Variants in RRAGD observed in about 807,000 individuals in gnomAD.
RRAGD encodes the protein Ras related GTP binding D.
A neutral mutation model predicts 35.5 loss-of-function variants in RRAGD; 12 were observed. The ratio of observed to expected loss-of-function variants is 0.34; its 90% CI spans 0.22 to 0.55. The LOEUF is 0.55. Ranked by LOEUF, RRAGD falls within the 20% of genes least tolerant of loss-of-function variation. RRAGD has a pLI of 0.91. For missense variants in RRAGD, 324 were observed against 490.1 expected (o/e 0.66, Z 3.20); for synonymous variants, 155 against 178.9 (o/e 0.87, Z 1.07).
chr6:89,411,779 T>TG lies in RRAGD; in HGVS notation c.148+66dup. ...GTCGGTGGCTCGCGCACGGCCGGGCTGGGGGCGGGAAGGCGCCAAGGGGAG... is the reference window on the plus strand; with the variant it reads ...GTCGGTGGCTCGCGCACGGCCGGGCTGGGGGGCGGGAAGGCGCCAAGGGGAG... On this transcript the variant is annotated intron_variant, in intron 1 of 6. Coordinates refer to ENST00000369415, the MANE Select transcript of RRAGD (RefSeq NM_021244.5). This position sits in a 1 kb window ranked among gnomAD's most constrained non-coding sequence, Gnocchi z 5.6. The TG allele has an allele frequency of 6.8e-7, 1 of 1,481,302 alleles. No homozygotes were observed. Among genetic ancestry groups the TG allele is most frequent in the Non-Finnish European group, 9.0e-7 (1 of 1,112,078 alleles). The allele number at this position is 1,481,302 out of a possible 1,614,324, so 91.8% of individuals were successfully genotyped here. A position where few individuals can be genotyped will look rare whatever the true frequency, so the allele number is the denominator to read the frequency against.
chr6:89,366,230 G>A lies in RRAGD; in HGVS notation c.*1826C>T, dbSNP rs1214310294. The A allele has an allele frequency of 1.3e-5, 2 of 152,426 alleles. No homozygotes were observed. The highest frequency in any genetic ancestry group is 4.1e-4 in the South Asian group (2 of 4,820). 9.4% of individuals were successfully genotyped at this position (152,426 alleles called of 1,614,324 possible). The stretch of plus-strand genomic sequence containing the variant: ...AGAGGTTGGAAAGAAGCCACAGAGA[G>A]AAGTGGGAAAGTTTAGGCTGGGCAC... On this transcript the variant is annotated 3_prime_UTR_variant, in exon 7 of 7. Coordinates refer to ENST00000369415, the MANE Select transcript of RRAGD (RefSeq NM_021244.5).
At chr6:89,379,532 G>A (rs1431712477) in intron 3 of RRAGD, among the ~76,000 whole-genome samples, 194 bp from the exon 4 acceptor site, 1 of 152,152 alleles carries the variant, frequency 6.6e-6, no homozygotes, top group Non-Finnish European at 1.5e-5. Flanking sequence ...AGCCCGAGCT[G>A]TGCCTATTCT....
At chr6:89,380,047 A>C in intron 3 of RRAGD, 121 bp downstream of exon 3, 1 of 816,118 alleles carries the variant, frequency 1.2e-6, no homozygotes, top group Non-Finnish European at 2.0e-6. Context: ...CATCTACAGC[A>C]TGAAACAGGG....
At chr6:89,405,747 T>C (rs1055263332) in intron 1 of RRAGD, among the ~76,000 whole-genome samples, 1 of 152,224 alleles carries the variant, frequency 6.6e-6, no homozygotes, top group African/African-American at 2.4e-5. Flanking sequence ...CAACAAACGC[T>C]TAAGCGTCTA....
rs45571540 is a variant in RRAGD, at chr6:89,366,400, T to G, written c.*1656A>C. The G allele has an allele frequency of 0.11, 16,686 of 152,010 alleles. 1,056 individuals carry two copies. Among genetic ancestry groups the G allele is most frequent in the African/African-American group, 0.15 (6,290 of 41,380 alleles). The allele number at this position is 152,010 out of a possible 1,614,324, so 9.4% of individuals were successfully genotyped here. A position where few individuals can be genotyped will look rare whatever the true frequency, so the allele number is the denominator to read the frequency against. On this transcript the variant is annotated 3_prime_UTR_variant, in exon 7 of 7. Coordinates refer to ENST00000369415, the MANE Select transcript of RRAGD (RefSeq NM_021244.5). ...TTTAAGAATTAGCCGGGCGTGGTTG[T>G]GCACACCTGTAGTTCTAGCTACTAG...
At chr6:89,382,684 A>G (rs367570846) in intron 2 of RRAGD, among the ~76,000 whole-genome samples, 2 of 151,362 alleles carry the variant, frequency 1.3e-5, no homozygotes, top group East Asian at 1.9e-4. Context: ...GACCAGCCTG[A>G]CCAACATGGT....
intron 5 of RRAGD, among the ~76,000 whole-genome samples, chr6:89,373,543 A>G (rs1354186088): frequency 6.6e-6 from 1 of 150,770 alleles, no homozygotes; most frequent in Non-Finnish European, 1.5e-5. Context: ...CCTTGAACCC[A>G]GGAGGCAGAC....
At chr6:89,375,699 G>A (rs1471889613) in intron 5 of RRAGD, among the ~76,000 whole-genome samples, 1 of 152,208 alleles carries the variant, frequency 6.6e-6, no homozygotes, top group East Asian at 1.9e-4. Flanking sequence ...TAACAGGACT[G>A]GCTTGTTGCT....
At chr6:89,408,367 G>T (rs949770866) in intron 1 of RRAGD, among the ~76,000 whole-genome samples, 27 of 151,948 alleles carry the variant, frequency 1.8e-4, no homozygotes, top group Non-Finnish European at 3.2e-4. Flanking sequence ...ATTATTTTAG[G>T]AAAAAGCCAT....
At chr6:89,384,561 A>C (rs920551167) in intron 2 of RRAGD, among the ~76,000 whole-genome samples, 1 of 152,170 alleles carries the variant, frequency 6.6e-6, no homozygotes, top group African/African-American at 2.4e-5. Context: ...TCACGCCTGT[A>C]ATCCCAGCAC....
intron 1 of RRAGD, among the ~76,000 whole-genome samples, chr6:89,402,264 T>C (rs908595783): frequency 2.0e-5 from 3 of 151,954 alleles, no homozygotes; most frequent in South Asian, 2.1e-4. Flanking sequence ...GCCAGGCTGG[T>C]CTTGAACTCC....
At chr6:89,397,471 T>C (rs1769359306) in intron 1 of RRAGD, among the ~76,000 whole-genome samples, 1 of 152,026 alleles carries the variant, frequency 6.6e-6, no homozygotes, top group Non-Finnish European at 1.5e-5. Context: ...AGTCAAAAAC[T>C]GTAAACACCT....
intron 1 of RRAGD, among the ~76,000 whole-genome samples, chr6:89,398,354 T>TA (rs1364561428): frequency 2.0e-5 from 3 of 152,150 alleles, no homozygotes; most frequent in Non-Finnish European, 4.4e-5. Context: ...ACAGCTGTCA[T>TA]AAAAAAATGT....
At chr6:89,373,511 G>A (rs1018116841) in intron 5 of RRAGD, among the ~76,000 whole-genome samples, 3 of 151,814 alleles carry the variant, frequency 2.0e-5, no homozygotes, top group African/African-American at 4.8e-5. Flanking sequence ...CCAGCTACTC[G>A]GGAGGCTGAG....
intron 5 of RRAGD, among the ~76,000 whole-genome samples, chr6:89,375,059 A>G (rs1359174407): frequency 6.6e-6 from 1 of 152,226 alleles, no homozygotes; most frequent in Non-Finnish European, 1.5e-5. Flanking sequence ...AACAGCATTT[A>G]ATAATACAGG....
chr6:89,386,649 A>G (rs1769141085), intron 2 of RRAGD, among the ~76,000 whole-genome samples: 1 of 152,164 alleles, frequency 6.6e-6, no homozygotes, highest in African/African-American at 2.4e-5. Context: ...CCTCATATCC[A>G]CCTACTTACT....
At chr6:89,395,344 G>A (rs1769313878) in intron 1 of RRAGD, among the ~76,000 whole-genome samples, 1 of 152,156 alleles carries the variant, frequency 6.6e-6, no homozygotes, top group Admixed American at 6.5e-5. Flanking sequence ...CTTGAGCCCA[G>A]GGGTTTGAGA....
intron 1 of RRAGD, among the ~76,000 whole-genome samples, chr6:89,402,341 C>A (rs922630457): frequency 6.6e-6 from 1 of 151,990 alleles, no homozygotes; most frequent in Non-Finnish European, 1.5e-5. Context: ...CCACTGAGCC[C>A]GGCCTGGAAA....
intron 5 of RRAGD, among the ~76,000 whole-genome samples, chr6:89,375,849 T>G (rs1768929943): frequency 6.6e-6 from 1 of 152,188 alleles, no homozygotes. Flanking sequence ...CCAGGCCACC[T>G]CCTCCTAACC....
Sources: allele counts gnomAD v4.1 joint callset (sites outside exome capture counted in the v4.1 genomes callset), GRCh38; gene constraint gnomAD v4.1.1; non-coding constraint Gnocchi (gnomAD v3.1); transcripts MANE v1.5; gene names NCBI Gene and HGNC (gene_info 2026-07-23, HGNC 2026-07-21).